ITGA9: variants seen among roughly 807,000 people sequenced by gnomAD.
ITGA9 encodes integrin subunit alpha 9, also known as integrin alpha-9.
ITGA9 carries 56 observed loss-of-function variants against 127.8 expected under a neutral mutation model. That is an observed-to-expected ratio of 0.44 (90% CI 0.35 to 0.55). The LOEUF (loss-of-function observed/expected upper bound fraction) is 0.55. Ranked by LOEUF, ITGA9 falls within the 20% of genes least tolerant of loss-of-function variation. ITGA9 has a pLI of 0.00. For missense variants in ITGA9, 1,196 were observed against 1,347.1 expected, an observed-to-expected ratio of 0.89 and a Z score of 1.76; for synonymous variants, 508 against 514.5, an observed-to-expected ratio of 0.99 and a Z score of 0.17.
At chr3:37,568,279 G>A (rs113778121) in intron 15 of ITGA9, among the ~76,000 whole-genome samples, 4 of 152,346 alleles carry the variant, frequency 2.6e-5, no homozygotes, top group African/African-American at 7.2e-5. Context: ...AGGGCACCAA[G>A]TCCCTAGGCT....
intron 15 of ITGA9, among the ~76,000 whole-genome samples, chr3:37,586,564 A>G (rs1326894818): frequency 6.6e-6 from 1 of 152,262 alleles, no homozygotes; most frequent in Admixed American, 6.5e-5. Context: ...AGCCATGCCT[A>G]GAAAATTTAT....
intron 1 of ITGA9, among the ~76,000 whole-genome samples, chr3:37,455,256 C>T (rs1026993630): frequency 4.6e-5 from 7 of 152,096 alleles, no homozygotes; most frequent in Non-Finnish European, 8.8e-5. Context: ...TTCAATTATT[C>T]GTGATTGCAA....
intron 20 of ITGA9, among the ~76,000 whole-genome samples, chr3:37,739,098 A>G (rs543546352): frequency 1.3e-5 from 2 of 152,166 alleles, no homozygotes; most frequent in Non-Finnish European, 2.9e-5. Context: ...ACTATTTATA[A>G]TCCCTTACTC....
At chr3:37,729,772 C>T (rs1481981207) in intron 18 of ITGA9, among the ~76,000 whole-genome samples, 6 of 142,332 alleles carry the variant, frequency 4.2e-5, no homozygotes, top group African/African-American at 1.3e-4. Context: ...GGTGCGATCT[C>T]GGCTCACTGC....
At chr3:37,707,036 A>C (rs946630015) in intron 18 of ITGA9, among the ~76,000 whole-genome samples, 1 of 152,238 alleles carries the variant, frequency 6.6e-6, no homozygotes, top group Non-Finnish European at 1.5e-5. Context: ...GAAAAACATT[A>C]AATCTAAAAA....
chr3:37,543,425 A>C (rs953139909), intron 15 of ITGA9, among the ~76,000 whole-genome samples: 1 of 152,212 alleles, frequency 6.6e-6, no homozygotes, highest in Admixed American at 6.5e-5. Flanking sequence ...CAGTCTCTGC[A>C]TCTCTAAAAT....
intron 14 of ITGA9, among the ~76,000 whole-genome samples, chr3:37,536,962 T>C (rs1699214051): frequency 6.6e-6 from 1 of 152,246 alleles, no homozygotes; most frequent in South Asian, 2.1e-4. Flanking sequence ...TAGCATCACC[T>C]GGGATCTCAT....
chr3:37,735,067 T>C (rs982826282), intron 19 of ITGA9, among the ~76,000 whole-genome samples: 8 of 152,262 alleles, frequency 5.3e-5, no homozygotes, highest in African/African-American at 1.9e-4. Flanking sequence ...GGCCACATGC[T>C]AAGCCTCATG....
chr3:37,758,329 C>CAAAAAAAAAAAAAAAA (rs57505967), intron 23 of ITGA9, among the ~76,000 whole-genome samples: 25 of 65,986 alleles, frequency 3.8e-4, no homozygotes, highest in African/African-American at 1.4e-3. Context: ...GACTCCGTCT[C>CAAAAAAAAAAAAAAAA]AAAAAAAAAA....
At chr3:37,587,886 T>A (rs879869452) in intron 15 of ITGA9, among the ~76,000 whole-genome samples, 25 of 152,206 alleles carry the variant, frequency 1.6e-4, no homozygotes, top group Admixed American at 3.9e-4. Context: ...TTATTTTATG[T>A]TAAACGGACT....
chr3:37,789,086 C>A (rs1697074450), intron 26 of ITGA9, among the ~76,000 whole-genome samples: 1 of 152,148 alleles, frequency 6.6e-6, no homozygotes, highest in Non-Finnish European at 1.5e-5. Context: ...ATTATTTTCT[C>A]CTGTGTGCCT....
rs559674080 is a variant in ITGA9 at position 37,584,455 on chromosome 3, A to G, written c.1689+41870A>G. Among the ~76,000 whole-genome samples the G allele has an allele frequency of 1.5e-3, 222 of 152,276 alleles. 4 individuals are homozygous for G. Among genetic ancestry groups the G allele is most frequent in the African/African-American group, 5.2e-3 (216 of 41,556 alleles). ...GTCAATGACAAAGGGTAGGAGTACCAGGTGGTGGGTAGGGGGCAGCTGATA... is the reference window on the plus strand; with the variant it reads ...GTCAATGACAAAGGGTAGGAGTACCGGGTGGTGGGTAGGGGGCAGCTGATA... On this transcript the variant is annotated intron_variant, in intron 15 of 27. Coordinates refer to ENST00000264741, the MANE Select transcript of ITGA9 (RefSeq NM_002207.3).
intron 1 of ITGA9, among the ~76,000 whole-genome samples, chr3:37,455,391 A>G (rs539066092): frequency 6.6e-6 from 1 of 152,342 alleles, no homozygotes; most frequent in South Asian, 2.1e-4. Flanking sequence ...GGCATTCTTT[A>G]TGTATTACCA....
intron 15 of ITGA9, among the ~76,000 whole-genome samples, chr3:37,565,466 A>G (rs1489774884): frequency 1.3e-5 from 2 of 152,214 alleles, no homozygotes; most frequent in East Asian, 3.9e-4. Flanking sequence ...CATATATGCT[A>G]TGCAGCCAGT....
chr3:37,523,362 C>T (rs75619156), intron 11 of ITGA9, among the ~76,000 whole-genome samples, 159 bp from the exon 12 acceptor site: 8,301 of 152,052 alleles, frequency 0.055, 277 homozygotes, highest in East Asian at 0.095. Context: ...CCTTCAACTG[C>T]CTGCTAAAGA....
At chr3:37,460,565 T>A (rs1698305489) in intron 1 of ITGA9, among the ~76,000 whole-genome samples, 1 of 151,774 alleles carries the variant, frequency 6.6e-6, no homozygotes. Context: ...CTCATAAATA[T>A]GTACCTACTG....
chr3:37,715,499 C>T (rs1054000933), intron 18 of ITGA9, among the ~76,000 whole-genome samples: 9 of 152,200 alleles, frequency 5.9e-5, no homozygotes, highest in African/African-American at 2.2e-4. Context: ...GGCCTCTGCC[C>T]TCATTCCCTG....
Position 37,481,617 on chromosome 3 carries a change from G to A in ITGA9, c.544+10G>A, listed in dbSNP as rs1698556154. ...ATCCCTTGCTATGAAGGTGAGCATG[G>A]ATTGATTTTTCCTCATCCCCCTACC... On this transcript the variant is annotated intron_variant, in intron 4 of 27. Coordinates refer to ENST00000264741, the MANE Select transcript of ITGA9 (RefSeq NM_002207.3). The A allele has an allele frequency of 6.2e-7, 1 of 1,614,008 alleles. No homozygotes were observed. Among genetic ancestry groups the A allele is most frequent in the Non-Finnish European group, 8.5e-7 (1 of 1,180,032 alleles).
chr3:37,677,045 A>G (rs1700689121), intron 17 of ITGA9, among the ~76,000 whole-genome samples: 7 of 152,164 alleles, frequency 4.6e-5, no homozygotes, highest in Admixed American at 4.6e-4. Context: ...CAACAGTGAT[A>G]TCTTTTCCCT....
Sources: allele counts gnomAD v4.1 joint callset (sites outside exome capture counted in the v4.1 genomes callset), GRCh38; gene constraint gnomAD v4.1.1; transcripts MANE v1.5; gene names NCBI Gene and HGNC (gene_info 2026-07-23, HGNC 2026-07-21).